PDE3A: variants seen among roughly 807,000 people sequenced by gnomAD.
The protein encoded by PDE3A is phosphodiesterase 3A.
PDE3A carries 43 observed loss-of-function variants against 98.3 expected under a neutral mutation model. That is an observed-to-expected ratio of 0.44 (90% confidence interval 0.34 to 0.56). The LOEUF (loss-of-function observed/expected upper bound fraction) is 0.56, where lower values mean the gene tolerates loss of function less well. Among genes scored for constraint, PDE3A ranks in the 20% least tolerant of loss-of-function variants. The probability of loss-of-function intolerance (pLI) is 0.01; values close to 1 mark genes in which losing one functional copy is unlikely to be tolerated. For synonymous variants in PDE3A, 663 were observed against 567.9 expected (o/e 1.17, Z -2.38); for missense variants, 1,427 against 1,440.7 (o/e 0.99, Z 0.15).
intron 1 of PDE3A, among the ~76,000 whole-genome samples, chr12:20,481,764 A>AGTTTT (rs1945629839): frequency 1.3e-5 from 1 of 79,584 alleles, no homozygotes; most frequent in East Asian, 4.1e-4. Flanking sequence ...TGGGAAATAG[A>AGTTTT]TTTTTTTTTT....
At chr12:20,674,132 T>C (rs894776756) in intron 15 of PDE3A, among the ~76,000 whole-genome samples, 1 of 152,218 alleles carries the variant, frequency 6.6e-6, no homozygotes. Context: ...CATTGGTATA[T>C]AGAAATACTA....
At chr12:20,427,904 A>G (rs548140280) in intron 1 of PDE3A, among the ~76,000 whole-genome samples, 1 of 152,088 alleles carries the variant, frequency 6.6e-6, no homozygotes, top group Admixed American at 6.5e-5. Flanking sequence ...ATAAATAAAT[A>G]TCTTTAAAAT....
chr12:20,389,173 C>T (rs574532173), intron 1 of PDE3A, among the ~76,000 whole-genome samples: 10 of 151,998 alleles, frequency 6.6e-5, no homozygotes, highest in Non-Finnish European at 1.3e-4. Flanking sequence ...ATTATGCTTG[C>T]GATGGTTAAG....
chr12:20,616,801 T>C (rs994686467), intron 4 of PDE3A, among the ~76,000 whole-genome samples: 6 of 152,156 alleles, frequency 3.9e-5, no homozygotes, highest in Non-Finnish European at 7.3e-5. Context: ...CTTAGCGTTG[T>C]ACAAAAGACA....
chr12:20,370,419 T>TG (rs1943451519), intron 1 of PDE3A, among the ~76,000 whole-genome samples, 175 bp downstream of exon 1: 1 of 147,652 alleles, frequency 6.8e-6, no homozygotes, highest in African/African-American at 2.5e-5. Context: ...GTTTTTTTTT[T>TG]TTTGTTTTTT....
At position 20,369,492 on chromosome 12, in the gene PDE3A, C is replaced by T; in HGVS notation, c.208C>T (p.Leu70=). The change falls in exon 1 of 16, where the codon CTG becomes TTG. Residue 70 remains leucine, a synonymous_variant. Coordinates refer to ENST00000359062, the MANE Select transcript of PDE3A (RefSeq NM_000921.5). ...KLSSALCAGS[L]SFLLALLVRL... ...TTCCTCCGCGCTGTGCGCGGGCTCC[C>T]TGTCCTTTCTGCTGGCGCTGCTGGT... The T allele has an allele frequency of 6.4e-7, 1 of 1,557,880 alleles. No homozygotes were observed. Among genetic ancestry groups the T allele is most frequent in the Non-Finnish European group, 8.7e-7 (1 of 1,151,050 alleles).
At chr12:20,602,428 G>A (rs1004526405) in intron 2 of PDE3A, among the ~76,000 whole-genome samples, 10 of 152,182 alleles carry the variant, frequency 6.6e-5, no homozygotes, top group African/African-American at 2.4e-4. Context: ...AAAGTAGTTA[G>A]AAAATATAAA....
chr12:20,564,029 A>G (rs779880811), intron 2 of PDE3A, among the ~76,000 whole-genome samples: 1 of 152,166 alleles, frequency 6.6e-6, no homozygotes, highest in Non-Finnish European at 1.5e-5. Context: ...TGACAATCAT[A>G]GTAGGGATAT....
chr12:20,440,511 A>T (rs1226927863), intron 1 of PDE3A, among the ~76,000 whole-genome samples: 2 of 152,142 alleles, frequency 1.3e-5, no homozygotes, highest in South Asian at 4.1e-4. Flanking sequence ...CAATGATCAA[A>T]CTACAGGGGC....
chr12:20,570,833 T>A (rs1942786490), intron 2 of PDE3A, among the ~76,000 whole-genome samples: 1 of 152,132 alleles, frequency 6.6e-6, no homozygotes, highest in African/African-American at 2.4e-5. Flanking sequence ...TAAGCTCAGA[T>A]CTAGGCTGTC....
intron 1 of PDE3A, among the ~76,000 whole-genome samples, chr12:20,492,341 G>T (rs1385465105): frequency 6.6e-6 from 1 of 152,150 alleles, no homozygotes; most frequent in Non-Finnish European, 1.5e-5. Flanking sequence ...GAGGCAGGAA[G>T]TATTGCAGGG....
At chr12:20,466,740 A>G (rs1362314825) in intron 1 of PDE3A, among the ~76,000 whole-genome samples, 6 of 152,212 alleles carry the variant, frequency 3.9e-5, no homozygotes, top group African/African-American at 1.4e-4. Flanking sequence ...TGACTATATA[A>G]TTGTGGCTTT....
chr12:20,485,869 A>G (rs1945718355), intron 1 of PDE3A, among the ~76,000 whole-genome samples: 1 of 152,216 alleles, frequency 6.6e-6, no homozygotes, highest in African/African-American at 2.4e-5. Flanking sequence ...ATAAAACAAA[A>G]CTGTAAATCC....
chr12:20,514,679 A>G (rs1055880369), intron 1 of PDE3A, among the ~76,000 whole-genome samples: 2 of 152,218 alleles, frequency 1.3e-5, no homozygotes, highest in East Asian at 3.9e-4. Context: ...CATCACTTGT[A>G]TGAATTATAA....
At chr12:20,625,969 A>C (rs545391796) in intron 5 of PDE3A, among the ~76,000 whole-genome samples, 6 of 152,194 alleles carry the variant, frequency 3.9e-5, no homozygotes, top group Non-Finnish European at 7.3e-5. Context: ...TGAAGTGAAG[A>C]TAAACATTAA....
At chr12:20,559,802 G>A (rs1009737227) in intron 2 of PDE3A, among the ~76,000 whole-genome samples, 1 of 152,210 alleles carries the variant, frequency 6.6e-6, no homozygotes, top group African/African-American at 2.4e-5. Flanking sequence ...GGATGGGTAA[G>A]CTTTCGAAAG....
At chr12:20,650,671 A>G in intron 14 of PDE3A, 71 bp downstream of exon 14, 3 of 872,034 alleles carry the variant, frequency 3.4e-6, no homozygotes, top group Non-Finnish European at 5.3e-6. Flanking sequence ...AAAGCTTCTA[A>G]CAGCTATGAA....
At chr12:20,615,016 CTTTTTTTTTTT>C (rs11313010) in intron 3 of PDE3A, among the ~76,000 whole-genome samples, 5 of 59,102 alleles carry the variant, frequency 8.5e-5, no homozygotes, top group African/African-American at 1.8e-4. Flanking sequence ...TTCTCTCTTT[CTTTTTTTTTTT>C]TTTTTTTTTT....
chr12:20,481,864 A>ACGC (rs773938973), intron 1 of PDE3A, among the ~76,000 whole-genome samples: 75 of 129,146 alleles, frequency 5.8e-4, no homozygotes, highest in South Asian at 1.3e-3. Context: ...TCCCGTGTTC[A>ACGC]CGCCGCTTTC....
Sources: gnomAD v4.1 joint callset for allele counts (sites outside exome capture counted in the v4.1 genomes callset) on GRCh38, gnomAD v4.1.1 for gene constraint, MANE v1.5 for transcripts, NCBI Gene and HGNC (gene_info 2026-07-23, HGNC 2026-07-21) for gene names.